Variants in PIK3R5 observed in about 807,000 individuals in gnomAD.
PIK3R5 encodes the protein phosphoinositide-3-kinase regulatory subunit 5.
PIK3R5 carries 32 observed loss-of-function variants against 94.9 expected under a neutral mutation model. That is an observed-to-expected ratio of 0.34 (90% CI 0.25 to 0.45). The LOEUF (loss-of-function observed/expected upper bound fraction) is 0.45. PIK3R5 is among the 20% of genes least tolerant of loss of function. The pLI is 1.00. For synonymous variants in PIK3R5, 443 were observed against 479.4 expected (o/e 0.92, Z 0.99); for missense variants, 853 against 1,144.6 (o/e 0.75, Z 3.68).
At chr17:8,924,150 C>G (rs1216578305) in intron 1 of PIK3R5, among the ~76,000 whole-genome samples, 1 of 147,394 alleles carries the variant, frequency 6.8e-6, no homozygotes, top group African/African-American at 2.5e-5. Flanking sequence ...GTGATCATAC[C>G]TCACTGCAGC....
In PIK3R5 at chr17:8,888,419, T is replaced by C. The variant is rs1387398959; in HGVS notation, c.1368A>G (p.Ala456=). 5 of 1,572,896 alleles carry C rather than the reference T, an allele frequency of 3.2e-6. No individual in the cohort carries two copies. The highest frequency in any genetic ancestry group is 4.3e-6 in the Non-Finnish European group (5 of 1,163,870). Residue 456 remains alanine (A), a synonymous_variant, in exon 10 of 19, where the codon GCA becomes GCG. Coordinates refer to ENST00000447110, the MANE Select transcript of PIK3R5 (RefSeq NM_001142633.3). The surrounding 1 kb of genome is among the most constrained non-coding windows in gnomAD (Gnocchi z 7.8). The part of the protein sequence containing the change: ...SSDTALPLRR[A]GSLCSPLDEP... ...CGTCCAGGGGGCTGCAGAGGCTCCC[T>C]GCCCGCCTCAGGGGCAGGGCCGTGT...
At position 8,884,606 on chromosome 17, in the gene PIK3R5, G is replaced by T; in HGVS notation, c.2205+101C>A. ...GCTGCAGCCTTCCAGCGTAAAGACT[G>T]GGGCCCAGGAACACACGAGTCCAGC... On this transcript the variant is annotated intron_variant, in intron 15 of 18. Coordinates refer to ENST00000447110, the MANE Select transcript of PIK3R5 (RefSeq NM_001142633.3). This position sits in a 1 kb window ranked among gnomAD's most constrained non-coding sequence, Gnocchi z 5.8. 1.1e-6 allele frequency: 1 copy of T among 893,268 alleles called. No individual in the cohort carries two copies. Among genetic ancestry groups the T allele is most frequent in the Non-Finnish European group, 1.8e-6 (1 of 551,096 alleles). The allele number at this position is 893,268 out of a possible 1,614,324, so 55.3% of individuals were successfully genotyped here. A position where few individuals can be genotyped will look rare whatever the true frequency, so the allele number is the denominator to read the frequency against.
At chr17:8,914,911 G>C (rs1054133720) in intron 1 of PIK3R5, among the ~76,000 whole-genome samples, 41 of 152,368 alleles carry the variant, frequency 2.7e-4, no homozygotes, top group African/African-American at 9.1e-4. Flanking sequence ...CAATTTTGTA[G>C]GAAGCTGGAT....
Position 8,950,279 on chromosome 17 carries a change from T to C in PIK3R5, c.-14+15317A>G, listed in dbSNP as rs559815878. Among the ~76,000 whole-genome samples, 10 of 152,388 alleles carry C rather than the reference T, an allele frequency of 6.6e-5. No homozygotes were observed. The South Asian group carries it at 1.9e-3, about 28-fold the overall frequency. ...TGCCAGAGAACCCTGCCTTTGGTCC[T>C]TTATAGCATGATTGTGGTAAAATAT... On this transcript the variant is annotated intron_variant, in intron 1 of 18. Coordinates refer to ENST00000447110, the MANE Select transcript of PIK3R5 (RefSeq NM_001142633.3).
intron 14 of PIK3R5, among the ~76,000 whole-genome samples, chr17:8,885,579 A>G (rs1373359314): frequency 9.2e-6 from 1 of 108,446 alleles, no homozygotes; most frequent in African/African-American, 3.8e-5. Context: ...CTACCGGACA[A>G]CCCCGCCTCC....
intron 3 of PIK3R5, among the ~76,000 whole-genome samples, chr17:8,907,872 A>G (rs2151406388): frequency 6.6e-6 from 1 of 152,304 alleles, no homozygotes; most frequent in South Asian, 2.1e-4. Flanking sequence ...TCCTGGGCTC[A>G]AGGATTTCTC....
intron 10 of PIK3R5, among the ~76,000 whole-genome samples, chr17:8,887,894 G>A (rs752264226): frequency 8.0e-4 from 120 of 150,898 alleles, no homozygotes; most frequent in Admixed American, 1.3e-3. Context: ...CCAGCTACTC[G>A]GGAGGCTGAG....
At chr17:8,934,783 T>C (rs1016101269) in intron 1 of PIK3R5, among the ~76,000 whole-genome samples, 1 of 152,204 alleles carries the variant, frequency 6.6e-6, no homozygotes, top group African/African-American at 2.4e-5. Context: ...TGTTGTTCTA[T>C]GCACGGTTGT....
chr17:8,893,704 A>G lies in PIK3R5; in HGVS notation c.413-49T>C, dbSNP rs1462299622. On this transcript the variant is annotated intron_variant, in intron 5 of 18. Transcript: ENST00000447110. The surrounding 1 kb of genome is among the most constrained non-coding windows in gnomAD (Gnocchi z 5.1). ...TCATGGGCTGATCAGTTCCTTCAGCATCGTCCGTGTGCCTCGTGGGGAGCC... is the reference window on the plus strand; with the variant it reads ...TCATGGGCTGATCAGTTCCTTCAGCGTCGTCCGTGTGCCTCGTGGGGAGCC... 12 of 1,420,092 alleles carry G rather than the reference A, an allele frequency of 8.5e-6. No individual in the cohort carries two copies. The East Asian group carries it at 2.7e-4, about 32-fold the overall frequency. The allele number at this position is 1,420,092 out of a possible 1,614,324, so 88.0% of individuals were successfully genotyped here.
At chr17:8,961,612 G>A (rs1199166377) in intron 1 of PIK3R5, among the ~76,000 whole-genome samples, 1 of 152,056 alleles carries the variant, frequency 6.6e-6, no homozygotes, top group Non-Finnish European at 1.5e-5. Flanking sequence ...TCCGTCCCGT[G>A]TGACAAGAGC....
chr17:8,881,752 C>G lies in PIK3R5; in HGVS notation c.2299+36G>C. ...CACTCAGGCCAGGCTCAGAGCACCT[C>G]CCTACTGCACACCCCACACTGACCA... On this transcript the variant is annotated intron_variant, in intron 16 of 18. Coordinates refer to ENST00000447110, the MANE Select transcript of PIK3R5 (RefSeq NM_001142633.3). This position sits in a 1 kb window ranked among gnomAD's most constrained non-coding sequence, Gnocchi z 4.8. 1 of 1,612,748 alleles carries G rather than the reference C, an allele frequency of 6.2e-7. No homozygotes were observed. Among genetic ancestry groups the G allele is most frequent in the South Asian group, 1.1e-5 (1 of 91,050 alleles).
At chr17:8,937,767 C>T (rs549716854) in intron 1 of PIK3R5, among the ~76,000 whole-genome samples, 3 of 152,136 alleles carry the variant, frequency 2.0e-5, no homozygotes, top group Admixed American at 1.3e-4. Context: ...GGAAGCACTC[C>T]CTCTTCTTCT....
At chr17:8,961,604 C>T (rs778490836) in intron 1 of PIK3R5, among the ~76,000 whole-genome samples, 6 of 151,922 alleles carry the variant, frequency 3.9e-5, no homozygotes, top group Non-Finnish European at 7.4e-5. Flanking sequence ...CACTGCATTC[C>T]GTCCCGTGTG....
In PIK3R5 at chr17:8,907,648, G is replaced by C. The variant is rs930976165; in HGVS notation, c.204+1426C>G. ...TTTAACAAAAAAAAAAAAAAAGAGA[G>C]AGAGAGAGAGAAATAGGGTCTTGCT... On this transcript the variant is annotated intron_variant, in intron 3 of 18. Transcript: ENST00000447110. 7.2e-4 allele frequency among the ~76,000 whole-genome samples: 108 copies of C among 150,670 alleles called. 3 individuals carry two copies. The Middle Eastern group carries it at 0.014, about 19-fold the overall frequency.
rs1414012575 is a variant in PIK3R5 at position 8,909,014 on chromosome 17, A to AT, written c.204+59dup. The AT allele has an allele frequency of 2.9e-6, 3 of 1,042,408 alleles. No individual in the cohort carries two copies. In the South Asian group the frequency reaches 4.1e-5, roughly 14 times the overall value. 64.6% of individuals were successfully genotyped at this position (1,042,408 alleles called of 1,614,324 possible). A position where few individuals can be genotyped will look rare whatever the true frequency, so the allele number is the denominator to read the frequency against. Reference sequence around the variant, plus strand: ...CCAGGAATGATGTTCTCTGGGACCTATTTCTCCACTCTACGAGGCCGACCC... The same window carrying AT: ...CCAGGAATGATGTTCTCTGGGACCTATTTTCTCCACTCTACGAGGCCGACCC... On this transcript the variant is annotated intron_variant, in intron 3 of 18. Coordinates refer to ENST00000447110, the MANE Select transcript of PIK3R5 (RefSeq NM_001142633.3). The surrounding 1 kb of genome is among the most constrained non-coding windows in gnomAD (Gnocchi z 4.3).
At chr17:8,905,910 C>A (rs1343273634) in intron 3 of PIK3R5, among the ~76,000 whole-genome samples, 173 bp from the exon 4 acceptor site, 2 of 150,708 alleles carry the variant, frequency 1.3e-5, no homozygotes, top group African/African-American at 4.9e-5. Context: ...AAAACACTTA[C>A]AATTTCCCCT....
chr17:8,926,210 G>A (rs2090880946), intron 1 of PIK3R5, among the ~76,000 whole-genome samples: 1 of 152,146 alleles, frequency 6.6e-6, no homozygotes, highest in South Asian at 2.1e-4. Flanking sequence ...GACATGGAGG[G>A]TTTGAGTGAC....
At chr17:8,932,426 G>C (rs1567662059) in intron 1 of PIK3R5, among the ~76,000 whole-genome samples, 1 of 152,038 alleles carries the variant, frequency 6.6e-6, no homozygotes, top group Non-Finnish European at 1.5e-5. Flanking sequence ...ATAGAGACAG[G>C]GTTTCACCAT....
chr17:8,880,915 T>C lies in PIK3R5; in HGVS notation c.2485A>G (p.Ser829Gly). 1 of 1,613,820 alleles carries C rather than the reference T, an allele frequency of 6.2e-7. No individual in the cohort carries two copies. The highest frequency in any genetic ancestry group is 8.5e-7 in the Non-Finnish European group (1 of 1,179,782). ...LDQDERKILQ[S>G]VVRCEVSPCY... The stretch of plus-strand genomic sequence containing the variant: ...ACCCCCCTTTCCTACCTGACTACAC[T>C]CTGCAGGATCTTTCTCTCATCCTGG... Residue 829 changes from serine (S) to glycine (G), a missense_variant, in exon 18 of 19, where the codon AGT (serine) becomes GGT (glycine). Ser to Gly is a moderately conservative substitution (Grantham distance 56). Transcript: ENST00000447110.
Sources: allele counts gnomAD v4.1 joint callset (sites outside exome capture counted in the v4.1 genomes callset), GRCh38; gene constraint gnomAD v4.1.1; non-coding constraint Gnocchi (gnomAD v3.1); transcripts MANE v1.5; gene names NCBI Gene and HGNC (gene_info 2026-07-23, HGNC 2026-07-21).